The following GLT1D1 variants were observed in gnomAD, a reference collection of about 807,000 sequenced individuals.
The protein encoded by GLT1D1 is glycosyltransferase 1 domain containing 1, also known as glycosyltransferase 1 domain-containing protein 1.
A neutral mutation model predicts 28.7 loss-of-function variants in GLT1D1; 21 were observed. That is an observed-to-expected ratio of 0.73 (90% CI 0.52 to 1.05). GLT1D1 has a LOEUF of 1.05. GLT1D1 is among the 50% of genes least tolerant of loss of function. GLT1D1 has a pLI of 0.00. For missense variants in GLT1D1, 343 were observed against 330.6 expected (o/e 1.04, Z -0.29); for synonymous variants, 147 against 124.8 (o/e 1.18, Z -1.19).
intron 6 of GLT1D1, among the ~76,000 whole-genome samples, chr12:128,954,025 T>C (rs1280296813): frequency 6.6e-6 from 1 of 151,242 alleles, no homozygotes; most frequent in South Asian, 2.1e-4. Context: ...GGATTACAGG[T>C]GTGAGCCACT....
chr12:128,978,494 T>C (rs977856221), intron 7 of GLT1D1, among the ~76,000 whole-genome samples: 1 of 152,142 alleles, frequency 6.6e-6, no homozygotes, highest in Non-Finnish European at 1.5e-5. Context: ...CCATGCGACC[T>C]GGGTGGCCTC....
chr12:128,891,393 A>G (rs980968761), intron 3 of GLT1D1, among the ~76,000 whole-genome samples: 1 of 152,202 alleles, frequency 6.6e-6, no homozygotes, highest in African/African-American at 2.4e-5. Flanking sequence ...ACCTGTGTCT[A>G]GAATAACCCT....
intron 2 of GLT1D1, among the ~76,000 whole-genome samples, chr12:128,883,222 C>A (rs1462496661): frequency 6.6e-6 from 1 of 151,756 alleles, no homozygotes; most frequent in Non-Finnish European, 1.5e-5. Flanking sequence ...CCACGCCCAG[C>A]CTTCTTTCTT....
At chr12:128,883,970 G>C (rs890208911) in intron 2 of GLT1D1, among the ~76,000 whole-genome samples, 10 of 152,178 alleles carry the variant, frequency 6.6e-5, no homozygotes, top group African/African-American at 1.9e-4. Flanking sequence ...AGGGATGACT[G>C]AATAGGGTTT....
chr12:128,896,225 G>A (rs1272447499), intron 3 of GLT1D1, among the ~76,000 whole-genome samples: 1 of 152,120 alleles, frequency 6.6e-6, no homozygotes, highest in Non-Finnish European at 1.5e-5. Context: ...GATTAAGGGA[G>A]TAGTTTTTAT....
chr12:128,945,113 C>T (rs542406052), intron 4 of GLT1D1: 112 of 716,886 alleles, frequency 1.6e-4, no homozygotes, highest in East Asian at 9.5e-4. Flanking sequence ...TGCTTTAGCT[C>T]GAAGTATTGA....
intron 1 of GLT1D1, among the ~76,000 whole-genome samples, chr12:128,855,282 G>A (rs1956189574): frequency 6.6e-6 from 1 of 150,940 alleles, no homozygotes; most frequent in Non-Finnish European, 1.5e-5. Context: ...CCTAGGGCAG[G>A]CTTTCATGGC....
At chr12:128,927,541 A>G (rs1253030349) in intron 4 of GLT1D1, among the ~76,000 whole-genome samples, 1 of 151,972 alleles carries the variant, frequency 6.6e-6, no homozygotes, top group Admixed American at 6.6e-5. Context: ...CCCAGCTTAC[A>G]TTGCTCTTCT....
chr12:128,934,196 G>GTTTTTTTTTTTTTTTT lies in GLT1D1; in HGVS notation c.376-11129_376-11128insTTTTTTTTTTTTTTTT, dbSNP rs1410503648. 2.3e-5 allele frequency among the ~76,000 whole-genome samples: 3 copies of GTTTTTTTTTTTTTTTT among 128,686 alleles called. 1 individual carries two copies. Among genetic ancestry groups the GTTTTTTTTTTTTTTTT allele is most frequent in the Non-Finnish European group, 3.2e-5 (2 of 62,118 alleles). 84.4% of individuals were successfully genotyped at this position (128,686 alleles called of 152,430 possible). The stretch of plus-strand genomic sequence containing the variant: ...GACTTACTGTGTCTTCAAAGAGACA[G>GTTTTTTTTTTTTTTTT]TCTTTTTTTTTTTTTTTTTTTTTTT... On this transcript the variant is annotated intron_variant, in intron 4 of 7. Coordinates refer to ENST00000281703, the MANE Select transcript of GLT1D1 (RefSeq NM_144669.3).
chr12:128,914,129 A>C (rs1424343943), intron 4 of GLT1D1, among the ~76,000 whole-genome samples: 4 of 152,062 alleles, frequency 2.6e-5, no homozygotes, highest in Admixed American at 1.3e-4. Flanking sequence ...TTGCCTCTGA[A>C]TTTCTAAATT....
chr12:128,945,156 G>A, intron 4 of GLT1D1, 170 bp from the exon 9 acceptor site: 7 of 753,960 alleles, frequency 9.3e-6, no homozygotes, highest in South Asian at 1.4e-5. Context: ...CCTTGCCCGA[G>A]CCGGGGGCCC....
At chr12:128,913,655 T>C (rs1343425232) in intron 4 of GLT1D1, among the ~76,000 whole-genome samples, 1 of 152,222 alleles carries the variant, frequency 6.6e-6, no homozygotes, top group Non-Finnish European at 1.5e-5. Context: ...CGTTCGGGCC[T>C]CCTGAGGACT....
At chr12:128,934,198 C>CT (rs1228657723) in intron 4 of GLT1D1, among the ~76,000 whole-genome samples, 26,277 of 73,130 alleles carry the variant, frequency 0.36, 4,269 homozygotes, top group East Asian at 0.54. Context: ...AAGAGACAGT[C>CT]TTTTTTTTTT....
chr12:128,982,922 T>G lies in GLT1D1; in HGVS notation c.640-7T>G. 1.9e-6 allele frequency: 3 copies of G among 1,613,726 alleles called. No individual in the cohort carries two copies. Among genetic ancestry groups the G allele is most frequent in the Non-Finnish European group, 1.7e-6 (2 of 1,179,674 alleles). On this transcript the variant is annotated splice_polypyrimidine_tract_variant and splice_region_variant and intron_variant, in intron 7 of 7. Coordinates refer to ENST00000281703, the MANE Select transcript of GLT1D1 (RefSeq NM_144669.3). Reference sequence around the variant, plus strand: ...ATTTATGTCTACTTCTCCTTCCTTTTTTGCAGGAGTTTGTTCATCTGGCAA... The same window carrying G: ...ATTTATGTCTACTTCTCCTTCCTTTGTTGCAGGAGTTTGTTCATCTGGCAA...
At chr12:128,975,120 T>A (rs1358583775) in intron 7 of GLT1D1, among the ~76,000 whole-genome samples, 1 of 152,208 alleles carries the variant, frequency 6.6e-6, no homozygotes, top group African/African-American at 2.4e-5. Flanking sequence ...TGTCTGTGGG[T>A]GGCCTGTTAG....
intron 5 of GLT1D1, among the ~76,000 whole-genome samples, chr12:128,946,218 G>A (rs970240894): frequency 2.0e-5 from 3 of 152,174 alleles, no homozygotes; most frequent in African/African-American, 7.2e-5. Flanking sequence ...GAAAGGCGAA[G>A]ATTTACATTG....
At chr12:128,969,093 C>T (rs1878770970) in intron 7 of GLT1D1, among the ~76,000 whole-genome samples, 1 of 151,834 alleles carries the variant, frequency 6.6e-6, no homozygotes, top group Non-Finnish European at 1.5e-5. Context: ...CCTCGTCCTC[C>T]TCTCTGTCTG....
chr12:128,909,653 G>A (rs1871324798), intron 4 of GLT1D1, among the ~76,000 whole-genome samples: 1 of 152,188 alleles, frequency 6.6e-6, no homozygotes, highest in Admixed American at 6.5e-5. Context: ...TTTAGAAGGT[G>A]AATCTCTGGC....
intron 4 of GLT1D1, 124 bp from the exon 5 acceptor site, chr12:128,912,300 A>G (rs924796271): frequency 7.1e-6 from 4 of 566,408 alleles, no homozygotes; most frequent in African/African-American, 5.7e-5. Flanking sequence ...AGCTGTGTAG[A>G]TGATTCTCAG....
Sources: allele counts gnomAD v4.1 joint callset (sites outside exome capture counted in the v4.1 genomes callset), GRCh38; gene constraint gnomAD v4.1.1; transcripts MANE v1.5; gene names NCBI Gene and HGNC (gene_info 2026-07-23, HGNC 2026-07-21).